The following ARMH3 variants were observed in gnomAD, a reference collection of about 807,000 sequenced individuals.
The protein encoded by ARMH3 is armadillo like helical domain containing 3, also known as armadillo-like helical domain-containing protein 3.
In ARMH3, 60 loss-of-function variants were observed where a neutral mutation model predicts 99.1. The ratio of observed to expected loss-of-function variants is 0.61; its 90% CI spans 0.49 to 0.75. The LOEUF is 0.75. Ranked by LOEUF, ARMH3 falls within the 30% of genes least tolerant of loss-of-function variation. The pLI, the probability that ARMH3 is intolerant of heterozygous loss-of-function variation, is 0.00. For missense variants in ARMH3, 679 were observed against 843.1 expected (o/e 0.81, Z 2.41); for synonymous variants, 285 against 292.8 (o/e 0.97, Z 0.27).
chr10:101,869,813 A>G (rs2067092098), intron 24 of ARMH3, among the ~76,000 whole-genome samples: 1 of 152,166 alleles, frequency 6.6e-6, no homozygotes, highest in Admixed American at 6.6e-5. Context: ...GGGGTGGATC[A>G]CTTGAGCTCA....
At chr10:101,861,814 C>T (rs1331147098) in intron 24 of ARMH3, among the ~76,000 whole-genome samples, 4 of 140,820 alleles carry the variant, frequency 2.8e-5, no homozygotes, top group African/African-American at 8.0e-5. Flanking sequence ...GGGTGGATCA[C>T]GAGGTCAGGA....
At chr10:101,923,239 A>G (rs987952762) in intron 23 of ARMH3, among the ~76,000 whole-genome samples, 2 of 152,216 alleles carry the variant, frequency 1.3e-5, no homozygotes, top group Admixed American at 6.5e-5. Flanking sequence ...CACTGAGTGC[A>G]TAATTCTGCT....
At chr10:101,895,745 AG>A (rs2067813837) in intron 23 of ARMH3, among the ~76,000 whole-genome samples, 1 of 152,376 alleles carries the variant, frequency 6.6e-6, no homozygotes, top group Admixed American at 6.5e-5. Context: ...GACAATCCAC[AG>A]AATAAGAGAA....
intron 20 of ARMH3, among the ~76,000 whole-genome samples, chr10:101,961,407 G>T (rs1315553326): frequency 1.3e-5 from 2 of 152,024 alleles, no homozygotes; most frequent in Non-Finnish European, 2.9e-5. Flanking sequence ...AATGGAAGAT[G>T]ATTGGATATG....
chr10:101,970,828 A>C (rs1845734309), intron 20 of ARMH3, among the ~76,000 whole-genome samples: 1 of 152,050 alleles, frequency 6.6e-6, no homozygotes, highest in Non-Finnish European at 1.5e-5. Context: ...AAAAATAAAT[A>C]AATAGCCAAG....
At chr10:101,864,335 C>A (rs893404639) in intron 24 of ARMH3, among the ~76,000 whole-genome samples, 2 of 152,086 alleles carry the variant, frequency 1.3e-5, no homozygotes, top group African/African-American at 4.8e-5. Context: ...GACAGTGTGG[C>A]GATTCCCTAA....
chr10:101,877,987 G>A lies in ARMH3; in HGVS notation c.1860+11425C>T, dbSNP rs556956353. Among the ~76,000 whole-genome samples, 3 of 152,188 alleles carry A rather than the reference G, an allele frequency of 2.0e-5. No individual in the cohort carries two copies. The South Asian group carries it at 6.2e-4, about 32-fold the overall frequency. ...AAATTCACTGTGCTGGCTGGGCACA[G>A]TGGCTCACACCTATAATCCCAGCAC... On this transcript the variant is annotated intron_variant, in intron 24 of 25. Coordinates refer to ENST00000370033, the MANE Select transcript of ARMH3 (RefSeq NM_024541.3).
intron 20 of ARMH3, among the ~76,000 whole-genome samples, chr10:101,972,265 A>G (rs1845801773): frequency 1.3e-5 from 2 of 152,202 alleles, no homozygotes; most frequent in South Asian, 4.1e-4. Context: ...ACAGCATAGA[A>G]ATAAAAATCA....
At chr10:101,936,736 C>T (rs1036702855) in intron 23 of ARMH3, among the ~76,000 whole-genome samples, 3 of 151,924 alleles carry the variant, frequency 2.0e-5, no homozygotes, top group Non-Finnish European at 4.4e-5. Flanking sequence ...TTTATAATAA[C>T]CAAAAAGTAG....
chr10:101,871,949 G>A (rs1427122854), intron 24 of ARMH3, among the ~76,000 whole-genome samples: 1 of 151,898 alleles, frequency 6.6e-6, no homozygotes, highest in Non-Finnish European at 1.5e-5. Context: ...GCAGTGAGCC[G>A]AGAATGTGCC....
At chr10:102,002,657 G>C (rs2136066254) in intron 14 of ARMH3, among the ~76,000 whole-genome samples, 1 of 152,136 alleles carries the variant, frequency 6.6e-6, no homozygotes, top group East Asian at 1.9e-4. Flanking sequence ...GAAAGTAATA[G>C]TAGACTGAAA....
At chr10:102,026,180 A>G (rs1337836196) in intron 5 of ARMH3, among the ~76,000 whole-genome samples, 1 of 152,152 alleles carries the variant, frequency 6.6e-6, no homozygotes, top group Non-Finnish European at 1.5e-5. Context: ...CAATAAAGAG[A>G]AGATGAAAAG....
At chr10:101,989,014 G>A (rs571291795) in intron 19 of ARMH3, among the ~76,000 whole-genome samples, 2 of 150,798 alleles carry the variant, frequency 1.3e-5, no homozygotes, top group African/African-American at 4.9e-5. Flanking sequence ...GCCTGGCACT[G>A]CAATGGGCTT....
intron 20 of ARMH3, among the ~76,000 whole-genome samples, chr10:101,959,997 G>A (rs909055578): frequency 1.1e-4 from 16 of 152,312 alleles, no homozygotes; most frequent in African/African-American, 3.8e-4. Flanking sequence ...GGGCAACACG[G>A]TGAAACCCTG....
chr10:102,032,833 G>A (rs949924494), intron 4 of ARMH3, 193 bp downstream of exon 4: 22 of 559,816 alleles, frequency 3.9e-5, no homozygotes, highest in African/African-American at 9.5e-5. Context: ...AAATGGATAC[G>A]ATTACTCCTA....
chr10:102,007,513 C>A (rs2136092117), intron 13 of ARMH3, among the ~76,000 whole-genome samples: 1 of 151,392 alleles, frequency 6.6e-6, no homozygotes, highest in Middle Eastern at 3.4e-3. Context: ...CAAGGGGATA[C>A]CAGGTACTAT....
intron 23 of ARMH3, among the ~76,000 whole-genome samples, chr10:101,894,870 C>CAAA (rs140398612): frequency 8.1e-5 from 7 of 86,416 alleles, no homozygotes; most frequent in African/African-American, 2.5e-4. Context: ...GAAACTCTGC[C>CAAA]AAAAAAAAAA....
intron 23 of ARMH3, among the ~76,000 whole-genome samples, chr10:101,936,229 C>T (rs976980038): frequency 6.6e-6 from 1 of 152,224 alleles, no homozygotes; most frequent in East Asian, 1.9e-4. Context: ...TGCGGTGGCT[C>T]ATGCCTGTAA....
intron 24 of ARMH3, among the ~76,000 whole-genome samples, chr10:101,877,195 C>T (rs1316829086): frequency 2.6e-5 from 4 of 152,012 alleles, no homozygotes. Context: ...CCCAGCTGCT[C>T]GAGAGGCTGA....
Sources: gnomAD v4.1 joint callset for allele counts (sites outside exome capture counted in the v4.1 genomes callset) on GRCh38, gnomAD v4.1.1 for gene constraint, MANE v1.5 for transcripts, NCBI Gene and HGNC (gene_info 2026-07-23, HGNC 2026-07-21) for gene names.